SAMD14: variants seen among roughly 807,000 people sequenced by gnomAD.
SAMD14 encodes sterile alpha motif domain containing 14, also known as sterile alpha motif domain-containing protein 14.
A neutral mutation model predicts 46.2 loss-of-function variants in SAMD14; 27 were observed. That is an observed-to-expected ratio of 0.58 (90% CI 0.43 to 0.81). The LOEUF (loss-of-function observed/expected upper bound fraction) is 0.81, where lower values mean the gene tolerates loss of function less well. Ranked by LOEUF, SAMD14 falls within the 30% of genes least tolerant of loss-of-function variation. The pLI is 0.00. For missense variants in SAMD14, 559 were observed against 582.2 expected, an observed-to-expected ratio of 0.96 and a Z score of 0.41; for synonymous variants, 241 against 254.3, an observed-to-expected ratio of 0.95 and a Z score of 0.50.
chr17:50,117,425 C>A lies in SAMD14; in HGVS notation c.481G>T (p.Ala161Ser), dbSNP rs1045729292. The stretch of plus-strand genomic sequence containing the variant: ...CTCTCACCTTCGCTGTGCGGCTCTG[C>A]GCGCGGGTGGCGGCGCACGAAGCTG... ...SPSFVRRHPR[A>S]EPHSEDDSRD... The change falls in exon 4 of 10, where the codon GCA becomes TCA. Residue 161 changes from alanine to serine, a missense_variant. Physicochemically the swap from Ala to Ser is moderately conservative, Grantham distance 99. Coordinates refer to ENST00000330175, the MANE Select transcript of SAMD14 (RefSeq NM_001257359.2). 6.7e-6 allele frequency: 9 copies of A among 1,340,386 alleles called. No homozygotes were observed. The African/African-American group carries it at 1.4e-4, about 21-fold the overall frequency. 83.0% of individuals were successfully genotyped at this position (1,340,386 alleles called of 1,614,324 possible).
chr17:50,115,924 A>T lies in SAMD14; in HGVS notation c.588-20T>A, dbSNP rs763698902. ...GTGACCCTGTGGGGAGGCAGCAGGAAGTGGGGCAGGGCTGCCCACTGTGCT... is the reference window on the plus strand; with the variant it reads ...GTGACCCTGTGGGGAGGCAGCAGGATGTGGGGCAGGGCTGCCCACTGTGCT... On this transcript the variant is annotated intron_variant, in intron 5 of 9. Coordinates refer to ENST00000330175, the MANE Select transcript of SAMD14 (RefSeq NM_001257359.2). The surrounding 1 kb of genome is among the most constrained non-coding windows in gnomAD (Gnocchi z 5.3). The T allele has an allele frequency of 6.2e-7, 1 of 1,613,076 alleles. No individual in the cohort carries two copies. Among genetic ancestry groups the T allele is most frequent in the Admixed American group, 1.7e-5 (1 of 59,896 alleles).
chr17:50,113,150 C>G, intron 9 of SAMD14, 102 bp from the exon 10 acceptor site: 1 of 1,380,946 alleles, frequency 7.2e-7, no homozygotes, highest in Non-Finnish European at 9.8e-7. Flanking sequence ...TGTGGAGCTC[C>G]AAATCCTCCC....
Position 50,119,614 on chromosome 17 carries a change from G to A in SAMD14, c.44-1287C>T, listed in dbSNP as rs114792283. Among the ~76,000 whole-genome samples the A allele has an allele frequency of 7.2e-3, 1,100 of 152,260 alleles. 11 individuals are homozygous for A. The highest frequency in any genetic ancestry group is 0.024 in the African/African-American group (997 of 41,536). ...GTTACCACGTCAAAGACCCCAAGGTGTCTCAAGCTCAACTCATCAAAATGA... is the reference window on the plus strand; with the variant it reads ...GTTACCACGTCAAAGACCCCAAGGTATCTCAAGCTCAACTCATCAAAATGA... On this transcript the variant is annotated intron_variant, in intron 2 of 9. Coordinates refer to ENST00000330175, the MANE Select transcript of SAMD14 (RefSeq NM_001257359.2).
chr17:50,115,780 G>A lies in SAMD14; in HGVS notation c.662+50C>T, dbSNP rs748646868. On this transcript the variant is annotated intron_variant, in intron 6 of 9. Coordinates refer to ENST00000330175, the MANE Select transcript of SAMD14 (RefSeq NM_001257359.2). This position sits in a 1 kb window ranked among gnomAD's most constrained non-coding sequence, Gnocchi z 5.3. ...TACAGAGGGGAGGACCAGAGCACAT[G>A]GGGAGCCAGGGGCGGGAGCTGTGGG... 17 of 1,612,964 alleles carry A rather than the reference G, an allele frequency of 1.1e-5. No homozygotes were observed. The highest frequency in any genetic ancestry group is 1.4e-5 in the Non-Finnish European group (16 of 1,179,910).
At chr17:50,122,169 C>T (rs1183068620) in intron 2 of SAMD14, among the ~76,000 whole-genome samples, 1 of 152,154 alleles carries the variant, frequency 6.6e-6, no homozygotes, top group South Asian at 2.1e-4. Flanking sequence ...GACACAGCAC[C>T]GTCTGACAGC....
rs778982096 is a variant in SAMD14 at position 50,114,148 on chromosome 17, G to C, written c.942+39C>G. The C allele has an allele frequency of 1.9e-6, 3 of 1,613,944 alleles. No homozygotes were observed. The African/African-American group carries it at 4.0e-5, about 22-fold the overall frequency. On this transcript the variant is annotated intron_variant, in intron 8 of 9. Transcript: ENST00000330175. ...ACCTGAGCACCTTGCAGAGTCAGAG[G>C]TCAGGACTCCGTGGGCACCCTGGGC... is the stretch of plus-strand genomic sequence containing the variant.
chr17:50,115,869 C>T lies in SAMD14; in HGVS notation c.623G>A (p.Arg208Gln), dbSNP rs80248520. 6,784 of 1,613,240 alleles carry T rather than the reference C, an allele frequency of 4.2e-3. 20 individuals carry two copies. The highest frequency in any genetic ancestry group is 5.1e-3 in the Non-Finnish European group (5,977 of 1,179,866). ...CAGTCGGTTGCTGCCTTTCTCCTTC[C>T]GGCTCTTGCCCGTGGATGCTCGGCG... The part of the protein sequence containing the change: ...TLRRASTGKS[R>Q]KEKGSNRLSM... The change falls in exon 6 of 10, where the codon CGG becomes CAG. Residue 208 changes from arginine (R) to glutamine (Q), a missense_variant. Physicochemically the swap from Arg to Gln is conservative, Grantham distance 43. Transcript: ENST00000330175. This position sits in a 1 kb window ranked among gnomAD's most constrained non-coding sequence, Gnocchi z 5.3.
chr17:50,112,867 G>C lies in SAMD14; in HGVS notation c.*26C>G, dbSNP rs200576318. 2 of 1,587,580 alleles carry C rather than the reference G, an allele frequency of 1.3e-6. No individual in the cohort carries two copies. The highest frequency in any genetic ancestry group is 2.7e-5 in the African/African-American group (2 of 74,158). Reference sequence around the variant, plus strand: ...CGCGGAGCCAGTGGCTGCCCCTGCCGGGTGCCAGCGCCTGTGCACCCTCCC... The same window carrying C: ...CGCGGAGCCAGTGGCTGCCCCTGCCCGGTGCCAGCGCCTGTGCACCCTCCC... On this transcript the variant is annotated 3_prime_UTR_variant, in exon 10 of 10. Transcript: ENST00000330175.
chr17:50,126,772 C>T (rs766275210), intron 1 of SAMD14, among the ~76,000 whole-genome samples: 1 of 152,000 alleles, frequency 6.6e-6, no homozygotes, highest in Non-Finnish European at 1.5e-5. Flanking sequence ...AATTCTAGAC[C>T]AGCCTGGGCA....
At chr17:50,116,232 G>A in intron 4 of SAMD14, 142 bp from the exon 5 acceptor site, 1 of 1,331,284 alleles carries the variant, frequency 7.5e-7, no homozygotes. Context: ...GGGTGTCCTA[G>A]GATAAGCCAC....
chr17:50,122,224 G>A (rs1393822023), intron 2 of SAMD14, among the ~76,000 whole-genome samples: 3 of 152,136 alleles, frequency 2.0e-5, no homozygotes, highest in African/African-American at 7.2e-5. Flanking sequence ...GGATATGGTC[G>A]CCAATGACTG....
chr17:50,121,760 C>A (rs1195865570), intron 2 of SAMD14, among the ~76,000 whole-genome samples: 1 of 152,124 alleles, frequency 6.6e-6, no homozygotes, highest in African/African-American at 2.4e-5. Flanking sequence ...TTCTGTGTTC[C>A]CAACAGATTC....
In SAMD14 at chr17:50,117,487, G is replaced by A. The variant is rs1911269082; in HGVS notation, c.419C>T (p.Ser140Phe). Residue 140 changes from serine to phenylalanine, a missense_variant, in exon 4 of 10, where the codon TCT becomes TTT. Ser to Phe is a radical substitution (Grantham distance 155). Coordinates refer to ENST00000330175, the MANE Select transcript of SAMD14 (RefSeq NM_001257359.2). ...GGAGGAGGGCGCGGAGCGCGGCGGAGAGCAGGAGGCGGCGGCCAGGCCCTC... is the reference window on the plus strand; with the variant it reads ...GGAGGAGGGCGCGGAGCGCGGCGGAAAGCAGGAGGCGGCGGCCAGGCCCTC... ...SHEGLAAASC[S>F]PPRSAPSSDS... is the part of the protein sequence containing the mutation. 3 of 1,439,492 alleles carry A rather than the reference G, an allele frequency of 2.1e-6. No homozygotes were observed. Among genetic ancestry groups the A allele is most frequent in the Non-Finnish European group, 9.0e-7 (1 of 1,105,682 alleles). 89.2% of individuals were successfully genotyped at this position (1,439,492 alleles called of 1,614,324 possible). A position where few individuals can be genotyped will look rare whatever the true frequency, so the allele number is the denominator to read the frequency against.
Position 50,112,741 on chromosome 17 carries a change from C to T in SAMD14, c.*152G>A, listed in dbSNP as rs1910919670. Reference sequence around the variant, plus strand: ...CTTTCTGGGGTCTCTGGGTCTAGACCAAGTGACAGGGTAAGAGAGAGCATG... The same window carrying T: ...CTTTCTGGGGTCTCTGGGTCTAGACTAAGTGACAGGGTAAGAGAGAGCATG... On this transcript the variant is annotated 3_prime_UTR_variant, in exon 10 of 10. Coordinates refer to ENST00000330175, the MANE Select transcript of SAMD14 (RefSeq NM_001257359.2). The T allele has an allele frequency of 5.5e-5, 49 of 892,494 alleles. No individual in the cohort carries two copies. The South Asian group carries it at 8.7e-4, about 16-fold the overall frequency. The allele number at this position is 892,494 out of a possible 1,614,324, so 55.3% of individuals were successfully genotyped here.
chr17:50,121,744 C>T (rs1172818815), intron 2 of SAMD14, among the ~76,000 whole-genome samples: 1 of 152,202 alleles, frequency 6.6e-6, no homozygotes, highest in Non-Finnish European at 1.5e-5. Flanking sequence ...GGGCCCAGCC[C>T]ACCCTTTCTG....
Position 50,110,286 on chromosome 17 carries a change from A to T in SAMD14, c.*2607T>A. 1 of 505,248 alleles carries T rather than the reference A, an allele frequency of 2.0e-6. No homozygotes were observed. The highest frequency in any genetic ancestry group is 3.2e-6 in the Non-Finnish European group (1 of 313,566). 31.3% of individuals were successfully genotyped at this position (505,248 alleles called of 1,614,324 possible). On this transcript the variant is annotated 3_prime_UTR_variant, in exon 10 of 10. Coordinates refer to ENST00000330175, the MANE Select transcript of SAMD14 (RefSeq NM_001257359.2). ...TAAGTGCCAGTCCATCTCTGTGGAG[A>T]CCCCTCGGTGGCCTCCCTATCTCTG...
intron 1 of SAMD14, among the ~76,000 whole-genome samples, chr17:50,128,870 C>CT (rs1911902745): frequency 6.6e-6 from 1 of 152,024 alleles, no homozygotes; most frequent in Non-Finnish European, 1.5e-5. Context: ...TTCCGCCGCT[C>CT]TAAGTGACGC....
rs1910931901 is a variant in SAMD14, at chr17:50,112,904, T to C, written c.1243A>G (p.Lys415Glu). The change falls in exon 10 of 10, where the codon AAG (lysine) becomes GAG (glutamate). Residue 415 changes from lysine to glutamate, a missense_variant. Transcript: ENST00000330175. ...CTGTGCACCCTCCCCTAGCTCTTCT[T>C]GGCCTCCTGCTCTCGGCGCCGGAGC... ...EKLRRREQEAKKS is the reference protein window; with the variant it reads ...EKLRRREQEAEKS 6.2e-7 allele frequency: 1 copy of C among 1,605,376 alleles called. No homozygotes were observed. The highest frequency in any genetic ancestry group is 1.1e-5 in the South Asian group (1 of 91,058).
chr17:50,117,418 G>A lies in SAMD14; in HGVS notation c.488C>T (p.Pro163Leu). ...SFVRRHPRAE[P>L]HSEDDSRDAS... ...TGGCCGCCTCTCACCTTCGCTGTGC[G>A]GCTCTGCGCGCGGGTGGCGGCGCAC... Residue 163 changes from proline to leucine, a missense_variant, in exon 4 of 10, where the codon CCG (proline) becomes CTG (leucine). Physicochemically the swap from Pro to Leu is moderately conservative, Grantham distance 98 (BLOSUM62 -3). Transcript: ENST00000330175. The A allele has an allele frequency of 3.8e-6, 5 of 1,331,202 alleles. No individual in the cohort carries two copies. The highest frequency in any genetic ancestry group is 4.8e-6 in the Non-Finnish European group (5 of 1,045,730). The allele number at this position is 1,331,202 out of a possible 1,614,324, so 82.5% of individuals were successfully genotyped here. A position where few individuals can be genotyped will look rare whatever the true frequency, so the allele number is the denominator to read the frequency against.
Sources: allele counts gnomAD v4.1 joint callset (sites outside exome capture counted in the v4.1 genomes callset), GRCh38; gene constraint gnomAD v4.1.1; non-coding constraint Gnocchi (gnomAD v3.1); transcripts MANE v1.5; gene names NCBI Gene and HGNC (gene_info 2026-07-23, HGNC 2026-07-21).